Variants in ASIC2 observed in about 807,000 individuals in gnomAD.
ASIC2 encodes acid-sensing ion channel 2.
ASIC2 carries 25 observed loss-of-function variants against 57.3 expected under a neutral mutation model. The ratio of observed to expected loss-of-function variants is 0.44; its 90% confidence interval spans 0.32 to 0.61. The LOEUF is 0.61. Ranked by LOEUF, ASIC2 falls within the 20% of genes least tolerant of loss-of-function variation. ASIC2 has a pLI of 0.06. For synonymous variants in ASIC2, 319 were observed against 307.5 expected, an observed-to-expected ratio of 1.04 and a Z score of -0.39; for missense variants, 641 against 738.1, an observed-to-expected ratio of 0.87 and a Z score of 1.52.
At chr17:33,651,613 A>G (rs1236255515) in intron 1 of ASIC2, among the ~76,000 whole-genome samples, 2 of 152,188 alleles carry the variant, frequency 1.3e-5, no homozygotes, top group Admixed American at 1.3e-4. Flanking sequence ...ATGGAGAGCA[A>G]GGGTTTGAAT....
At chr17:33,399,319 C>T (rs1278693982) in intron 1 of ASIC2, among the ~76,000 whole-genome samples, 2 of 152,148 alleles carry the variant, frequency 1.3e-5, no homozygotes, top group Non-Finnish European at 2.9e-5. Context: ...TTTGCTTAGC[C>T]CTTAAGAAAT....
intron 1 of ASIC2, among the ~76,000 whole-genome samples, chr17:34,138,790 C>T (rs929259): frequency 0.56 from 85,425 of 152,038 alleles, 24,950 homozygotes; most frequent in South Asian, 0.72. Context: ...GTCATTCTTT[C>T]AGCCATTGTT....
intron 1 of ASIC2, among the ~76,000 whole-genome samples, chr17:33,897,237 T>C (rs978359993): frequency 2.0e-5 from 3 of 152,244 alleles, no homozygotes; most frequent in Non-Finnish European, 4.4e-5. Flanking sequence ...CAGAGACCAC[T>C]TCCTTCTTCC....
chr17:33,293,409 A>T (rs1243082704), upstream of ASIC2, among the ~76,000 whole-genome samples: 1 of 143,630 alleles, frequency 7.0e-6, no homozygotes, highest in East Asian at 2.4e-4. Context: ...GCCGCTGCAC[A>T]CCGAGCGGGA....
intron 1 of ASIC2, among the ~76,000 whole-genome samples, chr17:33,222,098 T>A (rs148458515): frequency 6.6e-6 from 1 of 152,324 alleles, no homozygotes; most frequent in Non-Finnish European, 1.5e-5. Context: ...ATGCTTTTTG[T>A]AGTTAAAAGG....
chr17:33,649,020 C>T (rs2142038070), intron 1 of ASIC2, among the ~76,000 whole-genome samples: 1 of 152,282 alleles, frequency 6.6e-6, no homozygotes, highest in African/African-American at 2.4e-5. Context: ...GATATCCACT[C>T]TCACCACTCA....
At chr17:33,226,929 G>A (rs921397849) in intron 1 of ASIC2, among the ~76,000 whole-genome samples, 1 of 152,022 alleles carries the variant, frequency 6.6e-6, no homozygotes, top group African/African-American at 2.4e-5. Context: ...CCAAAGTAAT[G>A]TAACTTCGAC....
intron 1 of ASIC2, among the ~76,000 whole-genome samples, chr17:33,833,008 CATAG>C (rs1385822374): frequency 6.6e-6 from 1 of 152,036 alleles, no homozygotes; most frequent in Non-Finnish European, 1.5e-5. Flanking sequence ...TGTGTAACAA[CATAG>C]ATAGATTTTT....
chr17:33,544,083 T>C (rs1915506763), intron 1 of ASIC2, among the ~76,000 whole-genome samples: 1 of 152,214 alleles, frequency 6.6e-6, no homozygotes. Flanking sequence ...TTGTTTTCTG[T>C]GACTATGCTT....
chr17:33,768,753 T>C (rs79742414), intron 1 of ASIC2, among the ~76,000 whole-genome samples: 4,009 of 152,224 alleles, frequency 0.026, 204 homozygotes, highest in African/African-American at 0.091. Flanking sequence ...CCTTTTCCAA[T>C]ACTGCCTAAG....
intron 1 of ASIC2, among the ~76,000 whole-genome samples, chr17:33,579,391 CATT>C (rs1296648051): frequency 2.6e-5 from 4 of 151,880 alleles, no homozygotes; most frequent in African/African-American, 9.7e-5. Context: ...CACTCCGCCT[CATT>C]ATTCTGGAGG....
chr17:33,980,724 C>T (rs1448212069), intron 1 of ASIC2: 1 of 152,198 alleles, frequency 6.6e-6, no homozygotes, highest in Admixed American at 6.5e-5. Context: ...TGCCTTGCTC[C>T]AGATCATGCC....
intron 1 of ASIC2, among the ~76,000 whole-genome samples, chr17:33,210,825 C>T (rs1003684197): frequency 2.6e-5 from 4 of 152,166 alleles, no homozygotes; most frequent in African/African-American, 7.2e-5. Flanking sequence ...CAGGCGTGGG[C>T]GGGTACCCTT....
chr17:33,687,669 T>C (rs1908238095), intron 1 of ASIC2, among the ~76,000 whole-genome samples: 1 of 152,186 alleles, frequency 6.6e-6, no homozygotes, highest in South Asian at 2.1e-4. Flanking sequence ...AGACAGTTCA[T>C]GGGCCATCTC....
chr17:33,711,967 A>C (rs1016600882), intron 1 of ASIC2, among the ~76,000 whole-genome samples: 13 of 152,158 alleles, frequency 8.5e-5, no homozygotes, highest in African/African-American at 3.1e-4. Context: ...TGGGGTGATA[A>C]ATGACAGCTA....
At chr17:33,989,795 T>C (rs947114811) in intron 1 of ASIC2, among the ~76,000 whole-genome samples, 2 of 152,086 alleles carry the variant, frequency 1.3e-5, no homozygotes, top group Non-Finnish European at 2.9e-5. Context: ...CATTCAAATA[T>C]AGAAAACTCG....
chr17:33,254,377 C>T (rs1319351044), intron 1 of ASIC2, among the ~76,000 whole-genome samples: 3 of 152,328 alleles, frequency 2.0e-5, no homozygotes, highest in African/African-American at 4.8e-5. Flanking sequence ...ATCTTGGCTT[C>T]CCTTCTTGGA....
At chr17:33,192,971 A>G (rs1906485840) in intron 1 of ASIC2, among the ~76,000 whole-genome samples, 1 of 152,202 alleles carries the variant, frequency 6.6e-6, no homozygotes, top group African/African-American at 2.4e-5. Context: ...CCATTATTCA[A>G]GAAGGATTGC....
chr17:33,538,722 T>C (rs1915314869), intron 1 of ASIC2, among the ~76,000 whole-genome samples: 1 of 152,168 alleles, frequency 6.6e-6, no homozygotes, highest in South Asian at 2.1e-4. Context: ...CCAATGCCTG[T>C]GGAATGGAAT....
Sources: gnomAD v4.1 joint callset for allele counts (sites outside exome capture counted in the v4.1 genomes callset) on GRCh38, gnomAD v4.1.1 for gene constraint, MANE v1.5 for transcripts, NCBI Gene and HGNC (gene_info 2026-07-23, HGNC 2026-07-21) for gene names.